The following KSR1 variants were observed in gnomAD, a reference collection of about 807,000 sequenced individuals.
The protein encoded by KSR1 is kinase suppressor of ras 1.
A neutral mutation model predicts 92.9 loss-of-function variants in KSR1; 35 were observed. That is an observed-to-expected ratio of 0.38 (90% CI 0.29 to 0.50). The LOEUF is 0.50. Among genes scored for constraint, KSR1 ranks in the 20% least tolerant of loss-of-function variants. The probability of loss-of-function intolerance (pLI) is 0.94; values close to 1 mark genes in which losing one functional copy is unlikely to be tolerated. For missense variants in KSR1, 972 were observed against 1,158.5 expected (o/e 0.84, Z 2.34); for synonymous variants, 467 against 472.6 (o/e 0.99, Z 0.15).
In KSR1 at chr17:27,456,497, A is replaced by T. The variant is rs562897105; in HGVS notation, c.-147A>T. On this transcript the variant is annotated 5_prime_UTR_variant, in exon 1 of 21. Transcript: ENST00000644974. ...CCGCGGCTGGGAGGGTGGAAGCGGC[A>T]GACTCAGCGGCCGGCTCTACCGGCG... 982 of 390,272 alleles carry T rather than the reference A, an allele frequency of 2.5e-3. 6 individuals carry two copies. Among genetic ancestry groups the T allele is most frequent in the Middle Eastern group, 6.0e-3 (9 of 1,500 alleles). 24.2% of individuals were successfully genotyped at this position (390,272 alleles called of 1,614,324 possible).
At chr17:27,574,121 C>T (rs961921969) in intron 2 of KSR1, among the ~76,000 whole-genome samples, 28 of 152,138 alleles carry the variant, frequency 1.8e-4, no homozygotes, top group Admixed American at 1.2e-3. Flanking sequence ...GACACCCTTC[C>T]GGACAAGTAG....
chr17:27,552,228 T>C (rs2085450431), intron 2 of KSR1, among the ~76,000 whole-genome samples: 1 of 152,152 alleles, frequency 6.6e-6, no homozygotes, highest in Non-Finnish European at 1.5e-5. Context: ...CCTAACCGAT[T>C]TGTTGTCTGT....
intron 1 of KSR1, among the ~76,000 whole-genome samples, chr17:27,474,554 G>A (rs967447094): frequency 2.2e-4 from 34 of 152,216 alleles, no homozygotes; most frequent in African/African-American, 7.7e-4. Context: ...TCTGTGAAAT[G>A]GGGATTATAA....
intron 1 of KSR1, among the ~76,000 whole-genome samples, chr17:27,500,489 C>T (rs969078127): frequency 1.3e-5 from 2 of 152,176 alleles, no homozygotes; most frequent in African/African-American, 4.8e-5. Flanking sequence ...TGGGCCATAG[C>T]AATACAGGTT....
intron 1 of KSR1, among the ~76,000 whole-genome samples, chr17:27,516,869 A>G (rs2069819338): frequency 6.6e-6 from 1 of 152,204 alleles, no homozygotes; most frequent in Non-Finnish European, 1.5e-5. Context: ...CATAATGACT[A>G]GTCTAAACAT....
chr17:27,610,063 C>G lies in KSR1; in HGVS notation c.2226-4C>G, dbSNP rs1435212869. 1 of 1,613,744 alleles carries G rather than the reference C, an allele frequency of 6.2e-7. No individual in the cohort carries two copies. Among genetic ancestry groups the G allele is most frequent in the African/African-American group, 1.3e-5 (1 of 74,944 alleles). On this transcript the variant is annotated splice_region_variant and splice_polypyrimidine_tract_variant and intron_variant, in intron 16 of 20. Coordinates refer to ENST00000644974, the MANE Select transcript of KSR1 (RefSeq NM_001394583.1). Reference sequence around the variant, plus strand: ...TGTCCTTGTCCCGGCTTCCTGGTCTCCAGGCGTGAGAACCAGCTAAAGCTG... The same window carrying G: ...TGTCCTTGTCCCGGCTTCCTGGTCTGCAGGCGTGAGAACCAGCTAAAGCTG...
intron 9 of KSR1, among the ~76,000 whole-genome samples, chr17:27,593,969 G>A (rs1043757050): frequency 2.0e-5 from 3 of 152,146 alleles, no homozygotes; most frequent in African/African-American, 7.2e-5. Context: ...CTGTTCCTGA[G>A]GGCTCTGCCC....
chr17:27,597,342 A>C lies in KSR1; in HGVS notation c.1374A>C (p.Ser458=). The part of the protein sequence containing the change: ...PSSTTSSTPS[S]PAPFPTSSNP... ...CCACCACCTCCTCCACACCCTCCTC[A>C]CCGGCGCCCTTCCCGACATCATCCA... Residue 458 remains serine (S), a synonymous_variant, in exon 10 of 21, where the codon TCA becomes TCC. Coordinates refer to ENST00000644974, the MANE Select transcript of KSR1 (RefSeq NM_001394583.1). 11 of 1,612,968 alleles carry C rather than the reference A, an allele frequency of 6.8e-6. No homozygotes were observed. The highest frequency in any genetic ancestry group is 9.3e-6 in the Non-Finnish European group (11 of 1,179,484).
intron 17 of KSR1, 68 bp from the exon 18 acceptor site, chr17:27,611,426 C>T: frequency 6.2e-7 from 1 of 1,604,196 alleles, no homozygotes; most frequent in Middle Eastern, 1.7e-4. Context: ...GGCTATGGCT[C>T]AAGGGCCCCT....
rs568232263 is a variant in KSR1 at position 27,474,025 on chromosome 17, C to T, written c.231+17151C>T. 8.5e-5 allele frequency among the ~76,000 whole-genome samples: 13 copies of T among 152,346 alleles called. No homozygotes were observed. The East Asian group carries it at 2.5e-3, about 29-fold the overall frequency. On this transcript the variant is annotated intron_variant, in intron 1 of 20. Coordinates refer to ENST00000644974, the MANE Select transcript of KSR1 (RefSeq NM_001394583.1). ...TGTGTACAGCCAGCCATGTGGGCTG[C>T]GATCGGCCATGTGTCTAGAGGAAAC...
intron 2 of KSR1, among the ~76,000 whole-genome samples, chr17:27,558,464 A>C (rs1043003485): frequency 2.0e-5 from 3 of 152,018 alleles, no homozygotes; most frequent in African/African-American, 7.2e-5. Flanking sequence ...GCTCACATAC[A>C]TGCGCACACA....
intron 2 of KSR1, among the ~76,000 whole-genome samples, chr17:27,561,747 A>G (rs540654742): frequency 6.6e-6 from 1 of 152,150 alleles, no homozygotes; most frequent in South Asian, 2.1e-4. Flanking sequence ...AGCCAAAGGT[A>G]CCCACTTTTC....
intron 1 of KSR1, among the ~76,000 whole-genome samples, chr17:27,494,724 G>C (rs2068928307): frequency 1.3e-5 from 2 of 152,234 alleles, no homozygotes; most frequent in Admixed American, 1.3e-4. Flanking sequence ...AATCTTGATG[G>C]AGCTGTTTCC....
At chr17:27,470,820 T>C (rs1401600932) in intron 1 of KSR1, among the ~76,000 whole-genome samples, 1 of 152,226 alleles carries the variant, frequency 6.6e-6, no homozygotes, top group Non-Finnish European at 1.5e-5. Context: ...TTGTTAGATA[T>C]TCCTTATCTT....
At chr17:27,458,983 A>ACTACC (rs1176357838) in intron 1 of KSR1, among the ~76,000 whole-genome samples, 1 of 152,200 alleles carries the variant, frequency 6.6e-6, no homozygotes, top group Admixed American at 6.5e-5. Flanking sequence ...TTGTTTTTAT[A>ACTACC]CTACCCTGGT....
At chr17:27,621,790 C>G in intron 20 of KSR1, 1 of 744,872 alleles carries the variant, frequency 1.3e-6, no homozygotes, top group South Asian at 1.7e-5. Flanking sequence ...GGATGGAGTC[C>G]AGGATGGCCC....
At chr17:27,550,749 G>A (rs762270301) in intron 2 of KSR1, 41 bp downstream of exon 2, 3 of 746,184 alleles carry the variant, frequency 4.0e-6, no homozygotes, top group Non-Finnish European at 4.9e-6. Flanking sequence ...GGCATGAGGG[G>A]CCAAGCAGAG....
intron 1 of KSR1, among the ~76,000 whole-genome samples, chr17:27,479,298 C>G (rs2068444008): frequency 6.6e-6 from 1 of 152,138 alleles, no homozygotes; most frequent in South Asian, 2.1e-4. Context: ...CCTCCTCCCC[C>G]ATCCATGCTC....
At position 27,623,929 on chromosome 17, in the gene KSR1, T is replaced by G; in HGVS notation, c.*537T>G. 3.4e-6 allele frequency: 1 copy of G among 296,306 alleles called. No individual in the cohort carries two copies. Among genetic ancestry groups the G allele is most frequent in the Non-Finnish European group, 6.1e-6 (1 of 162,852 alleles). 18.4% of individuals were successfully genotyped at this position (296,306 alleles called of 1,614,324 possible). A position where few individuals can be genotyped will look rare whatever the true frequency, so the allele number is the denominator to read the frequency against. On this transcript the variant is annotated 3_prime_UTR_variant, in exon 21 of 21. Transcript: ENST00000644974. The stretch of plus-strand genomic sequence containing the variant: ...TGTCCTTTCAAAGGGATACTGCCCC[T>G]TCCTCGTCTTGCAGAGGAAACCCTG...
Sources: gnomAD v4.1 joint callset for allele counts (sites outside exome capture counted in the v4.1 genomes callset) on GRCh38, gnomAD v4.1.1 for gene constraint, MANE v1.5 for transcripts, NCBI Gene and HGNC (gene_info 2026-07-23, HGNC 2026-07-21) for gene names.